Variants in KANSL1 observed in about 807,000 individuals in gnomAD.
KANSL1 encodes KAT8 regulatory NSL complex subunit 1.
In KANSL1, 22 loss-of-function variants were observed where a neutral mutation model predicts 103.6. The observed-to-expected ratio is 0.21, with a 90% CI of 0.15 to 0.30. The LOEUF is 0.30. Ranked by LOEUF, KANSL1 falls within the 10% of genes least tolerant of loss-of-function variation. The pLI, the probability that KANSL1 is intolerant of heterozygous loss-of-function variation, is 1.00. For synonymous variants in KANSL1, 600 were observed against 527.6 expected, an observed-to-expected ratio of 1.14 and a Z score of -1.88; for missense variants, 1,337 against 1,399.8, an observed-to-expected ratio of 0.96 and a Z score of 0.72.
chr17:46,087,023 C>T (rs931773393), intron 3 of KANSL1, among the ~76,000 whole-genome samples: 32 of 152,240 alleles, frequency 2.1e-4, no homozygotes, highest in African/African-American at 7.2e-4. Flanking sequence ...CCGCCCTGGC[C>T]TCCCAAAGTG....
At chr17:46,140,436 T>C (rs2044362799) in intron 2 of KANSL1, among the ~76,000 whole-genome samples, 2 of 152,184 alleles carry the variant, frequency 1.3e-5, no homozygotes, top group Admixed American at 1.3e-4. Context: ...AATGTAAGCA[T>C]TGAAACTCCT....
chr17:46,031,449 G>C lies in KANSL1; in HGVS notation c.*27C>G. On this transcript the variant is annotated 3_prime_UTR_variant, in exon 15 of 15. Coordinates refer to ENST00000432791, the MANE Select transcript of KANSL1 (RefSeq NM_015443.4). ...TGAAGCTTTAATGCCAATAGTTAGT[G>C]AGTCTGTTTAGATGGCTGTCTCCCG... The C allele has an allele frequency of 1.3e-6, 2 of 1,554,852 alleles. No homozygotes were observed. Among genetic ancestry groups the C allele is most frequent in the Non-Finnish European group, 1.8e-6 (2 of 1,138,762 alleles).
At chr17:46,135,695 CTTTT>C (rs35094789) in intron 2 of KANSL1, among the ~76,000 whole-genome samples, 5,940 of 83,528 alleles carry the variant, frequency 0.071, 8 homozygotes, top group Admixed American at 0.11. Flanking sequence ...CCATGCCTGG[CTTTT>C]TTTTTTTTTT....
At chr17:46,189,906 CAAAAAAA>C (rs55934305) in intron 1 of KANSL1, among the ~76,000 whole-genome samples, 1 of 112,478 alleles carries the variant, frequency 8.9e-6, no homozygotes, top group Admixed American at 9.5e-5. Flanking sequence ...GACCCTGCCT[CAAAAAAA>C]AAAAAAAAAA....
At chr17:46,087,673 G>A (rs961324972) in intron 3 of KANSL1, among the ~76,000 whole-genome samples, 1 of 151,566 alleles carries the variant, frequency 6.6e-6, no homozygotes, top group African/African-American at 2.4e-5. Context: ...GCTTTACAGA[G>A]GAGGTCTACA....
At chr17:46,201,346 A>G (rs968935532) in intron 1 of KANSL1, among the ~76,000 whole-genome samples, 6 of 152,362 alleles carry the variant, frequency 3.9e-5, no homozygotes, top group Middle Eastern at 3.4e-3. Flanking sequence ...TGGAGTATCA[A>G]TTTAATCAAG....
chr17:46,074,427 A>G (rs2078684852), intron 4 of KANSL1, among the ~76,000 whole-genome samples: 1 of 152,212 alleles, frequency 6.6e-6, no homozygotes, highest in South Asian at 2.1e-4. Context: ...GCAGGTAGGA[A>G]GTAGAACAAC....
intron 1 of KANSL1, among the ~76,000 whole-genome samples, chr17:46,214,203 T>C (rs2048267180): frequency 6.6e-6 from 1 of 152,244 alleles, no homozygotes; most frequent in Non-Finnish European, 1.5e-5. Context: ...CCAAAGTTGC[T>C]TGCACTTATC....
chr17:46,031,541 T>A lies in KANSL1; in HGVS notation c.3253A>T (p.Ile1085Phe). Residue 1085 changes from isoleucine (I) to phenylalanine (F), a missense_variant, in exon 15 of 15, where the codon ATT (isoleucine) becomes TTT (phenylalanine). Coordinates refer to ENST00000432791, the MANE Select transcript of KANSL1 (RefSeq NM_015443.4). Reference protein sequence around the residue: ...ETEAAPTSPPIVPLKSRHLVA... With the variant: ...ETEAAPTSPPFVPLKSRHLVA... ...AGATGCCGACTCTTGAGGGGGACAATGGGAGGCGAGGTGGGCGCTGCCTCT... is the reference window on the plus strand; with the variant it reads ...AGATGCCGACTCTTGAGGGGGACAAAGGGAGGCGAGGTGGGCGCTGCCTCT... The A allele has an allele frequency of 6.2e-7, 1 of 1,614,038 alleles. No homozygotes were observed. The highest frequency in any genetic ancestry group is 8.5e-7 in the Non-Finnish European group (1 of 1,179,994).
chr17:46,173,881 G>A (rs1048624752), intron 1 of KANSL1, among the ~76,000 whole-genome samples: 3 of 152,176 alleles, frequency 2.0e-5, no homozygotes, highest in African/African-American at 7.2e-5. Flanking sequence ...AAAGCACTCT[G>A]CTGCTTTATG....
intron 2 of KANSL1, among the ~76,000 whole-genome samples, chr17:46,154,501 G>A (rs1395795967): frequency 6.6e-6 from 1 of 152,112 alleles, no homozygotes; most frequent in African/African-American, 2.4e-5. Context: ...GGCTGGTCTC[G>A]AACTCCTTGA....
At chr17:46,185,800 C>A (rs1345802804) in intron 1 of KANSL1, among the ~76,000 whole-genome samples, 1 of 151,708 alleles carries the variant, frequency 6.6e-6, no homozygotes, top group East Asian at 1.9e-4. Flanking sequence ...GGTGGGAGGA[C>A]TGCTTGAGCC....
intron 7 of KANSL1, chr17:46,040,190 G>T: frequency 5.1e-6 from 2 of 391,502 alleles, no homozygotes; most frequent in Non-Finnish European, 9.1e-6. Flanking sequence ...AAAACATCCT[G>T]TTTCTATTCT....
At chr17:46,095,515 T>G (rs1325457056) in intron 2 of KANSL1, among the ~76,000 whole-genome samples, 1 of 152,194 alleles carries the variant, frequency 6.6e-6, no homozygotes, top group Non-Finnish European at 1.5e-5. Context: ...ACGATCAAAC[T>G]ACTCAATAAA....
chr17:46,185,668 CACATATATAT>C (rs2046986639), intron 1 of KANSL1, among the ~76,000 whole-genome samples: 1 of 135,724 alleles, frequency 7.4e-6, no homozygotes, highest in Non-Finnish European at 1.6e-5. Context: ...TATATATATA[CACATATATAT>C]ACACACACAT....
rs946744652 is a variant in KANSL1, at chr17:46,153,817, A to T, written c.1289+17038T>A. ...TGACCCTGAAGGAATCGCAATGTGGAGGGAAAACCCAGCCCTAGGAGTTAA... is the reference window on the plus strand; with the variant it reads ...TGACCCTGAAGGAATCGCAATGTGGTGGGAAAACCCAGCCCTAGGAGTTAA... On this transcript the variant is annotated intron_variant, in intron 2 of 14. Transcript: ENST00000432791. 5.0e-4 allele frequency among the ~76,000 whole-genome samples: 76 copies of T among 152,392 alleles called. 2 individuals carry two copies. Among genetic ancestry groups the T allele is most frequent in the Admixed American group, 4.9e-3 (75 of 15,306 alleles).
At chr17:46,073,618 T>C (rs2078654891) in intron 4 of KANSL1, among the ~76,000 whole-genome samples, 1 of 151,962 alleles carries the variant, frequency 6.6e-6, no homozygotes. Flanking sequence ...ATGTTTCCCA[T>C]ACAAAAATAA....
At chr17:46,166,771 T>C (rs1295754664) in intron 2 of KANSL1, among the ~76,000 whole-genome samples, 2 of 152,050 alleles carry the variant, frequency 1.3e-5, no homozygotes, top group Non-Finnish European at 2.9e-5. Context: ...CAGATGTCAA[T>C]AGGAAAAAAG....
intron 2 of KANSL1, among the ~76,000 whole-genome samples, chr17:46,145,169 C>G (rs894280806): frequency 3.3e-5 from 5 of 152,246 alleles, no homozygotes; most frequent in African/African-American, 1.2e-4. Context: ...TGAAAAGCCA[C>G]GGAGACTAGT....
Sources: allele counts gnomAD v4.1 joint callset (sites outside exome capture counted in the v4.1 genomes callset), GRCh38; gene constraint gnomAD v4.1.1; transcripts MANE v1.5; gene names NCBI Gene and HGNC (gene_info 2026-07-23, HGNC 2026-07-21).